The following NAV2 variants were observed in gnomAD, a reference collection of about 807,000 sequenced individuals.
NAV2 encodes the protein helicase, APC down-regulated 1.
Under a neutral mutation model 223.2 loss-of-function variants are expected in NAV2, and 54 were observed. The ratio of observed to expected loss-of-function variants is 0.24; its 90% CI spans 0.19 to 0.30. The LOEUF is 0.30. Ranked by LOEUF, NAV2 falls within the 10% of genes least tolerant of loss-of-function variation. The pLI is 1.00. For missense variants in NAV2, 2,806 were observed against 3,147.5 expected (o/e 0.89, Z 2.60); for synonymous variants, 1,279 against 1,239.3 (o/e 1.03, Z -0.67).
intron 24 of NAV2, among the ~76,000 whole-genome samples, chr11:20,079,185 C>T (rs576271367): frequency 6.6e-6 from 1 of 152,294 alleles, no homozygotes; most frequent in South Asian, 2.1e-4. Flanking sequence ...GGACTACAGG[C>T]GCATGCGAAC....
intron 1 of NAV2, among the ~76,000 whole-genome samples, chr11:19,831,858 ACAGAAT>A (rs1159590914): frequency 6.6e-6 from 1 of 152,202 alleles, no homozygotes. Context: ...GGTTTTGTTC[ACAGAAT>A]CCCAACAGTG....
At chr11:19,439,322 G>A (rs1303696987) in intron 1 of NAV2, among the ~76,000 whole-genome samples, 1 of 152,144 alleles carries the variant, frequency 6.6e-6, no homozygotes, top group Non-Finnish European at 1.5e-5. Flanking sequence ...GGTAGGAGGA[G>A]AGAGAGGATC....
chr11:19,952,053 G>A (rs977147194), intron 10 of NAV2, among the ~76,000 whole-genome samples: 10 of 152,232 alleles, frequency 6.6e-5, no homozygotes, highest in Non-Finnish European at 1.0e-4. Context: ...AAATGCATGT[G>A]AATTTCTGCT....
In NAV2 at chr11:20,036,085, C is replaced by T. The variant is rs1239808354; in HGVS notation, c.2895C>T (p.Asn965=). The part of the protein sequence containing the change: ...YANTPASSRK[N]LDVQTDAEKH... ...ACACACCTGCCTCCTCTCGAAAAAA[C>T]CTGGATGTGCAGGTGAGGAACACAG... The change falls in exon 12 of 38, where the codon AAC becomes AAT. Residue 965 remains asparagine, a synonymous_variant. Coordinates refer to ENST00000349880, the MANE Select transcript of NAV2 (RefSeq NM_145117.5). The T allele has an allele frequency of 1.2e-6, 2 of 1,614,236 alleles. No homozygotes were observed. Among genetic ancestry groups the T allele is most frequent in the East Asian group, 2.2e-5 (1 of 44,882 alleles).
chr11:20,102,783 G>C (rs1159577148), intron 32 of NAV2, among the ~76,000 whole-genome samples: 1 of 152,112 alleles, frequency 6.6e-6, no homozygotes, highest in Admixed American at 6.5e-5. Context: ...CGTTCTCCAA[G>C]GTTAAATACA....
intron 26 of NAV2, among the ~76,000 whole-genome samples, chr11:20,089,824 A>G (rs2060707584): frequency 6.6e-6 from 1 of 152,180 alleles, no homozygotes; most frequent in South Asian, 2.1e-4. Flanking sequence ...GAGCAAACCT[A>G]AGTAACTAAG....
chr11:19,563,246 G>A (rs2045158942), intron 1 of NAV2, among the ~76,000 whole-genome samples: 1 of 152,202 alleles, frequency 6.6e-6, no homozygotes, highest in Non-Finnish European at 1.5e-5. Flanking sequence ...CCAATAGTCA[G>A]GACAACACCT....
intron 37 of NAV2, 78 bp from the exon 38 acceptor site, chr11:20,118,055 T>C (rs2063276715): frequency 6.5e-7 from 1 of 1,547,542 alleles, no homozygotes; most frequent in Admixed American, 1.8e-5. Context: ...CTGGAGGAGG[T>C]GGCATGACCT....
chr11:19,538,174 T>C (rs1452918464), intron 1 of NAV2, among the ~76,000 whole-genome samples: 2 of 152,222 alleles, frequency 1.3e-5, no homozygotes, highest in Admixed American at 6.5e-5. Flanking sequence ...GTCATTGATA[T>C]TGGAAGGATC....
intron 1 of NAV2, among the ~76,000 whole-genome samples, chr11:19,388,718 G>A (rs1849136985): frequency 6.6e-6 from 1 of 152,102 alleles, no homozygotes; most frequent in African/African-American, 2.4e-5. Context: ...GATAATATCT[G>A]TGAAATCTTA....
At chr11:19,379,412 A>G (rs997810629) in intron 1 of NAV2, among the ~76,000 whole-genome samples, 2 of 152,210 alleles carry the variant, frequency 1.3e-5, no homozygotes, top group African/African-American at 4.8e-5. Context: ...TGACAGAAGT[A>G]GGGAAAATTT....
intron 1 of NAV2, among the ~76,000 whole-genome samples, chr11:19,690,099 T>A (rs770298434): frequency 6.6e-5 from 10 of 152,078 alleles, no homozygotes; most frequent in Non-Finnish European, 1.5e-4. Flanking sequence ...GCCTCCTGAG[T>A]AGCTGGGATT....
At chr11:19,721,654 T>C (rs2050758183) in intron 1 of NAV2, among the ~76,000 whole-genome samples, 2 of 152,238 alleles carry the variant, frequency 1.3e-5, no homozygotes, top group African/African-American at 4.8e-5. Context: ...TGAGAGATTC[T>C]TGAGTAGCTC....
intron 1 of NAV2, among the ~76,000 whole-genome samples, chr11:19,705,484 T>C (rs1483961421): frequency 6.6e-6 from 1 of 152,166 alleles, no homozygotes; most frequent in African/African-American, 2.4e-5. Flanking sequence ...GGAAATCCAA[T>C]TCCCTGTCTG....
At chr11:19,872,028 T>C (rs941019740) in intron 4 of NAV2, among the ~76,000 whole-genome samples, 46 of 151,966 alleles carry the variant, frequency 3.0e-4, no homozygotes, top group Admixed American at 2.5e-3. Flanking sequence ...GGTTGGGGAG[T>C]GATGAAGATA....
intron 1 of NAV2, among the ~76,000 whole-genome samples, chr11:19,521,248 A>C (rs1457246323): frequency 1.3e-5 from 2 of 152,126 alleles, no homozygotes; most frequent in Non-Finnish European, 2.9e-5. Flanking sequence ...ACTGCTGGGC[A>C]GACCCTCTGA....
rs528771819 is a variant in NAV2 at position 19,789,459 on chromosome 11, T to C, written c.268-43025T>C. 3.3e-5 allele frequency among the ~76,000 whole-genome samples: 5 copies of C among 152,224 alleles called. No homozygotes were observed. The South Asian group carries it at 1.0e-3, about 32-fold the overall frequency. The stretch of plus-strand genomic sequence containing the variant: ...AGACTGATGCTATTTTCGGCCGTTA[T>C]TGTTATTGTTAGCTTATAGAAGTAA... On this transcript the variant is annotated intron_variant, in intron 1 of 37. Coordinates refer to ENST00000349880, the MANE Select transcript of NAV2 (RefSeq NM_145117.5).
chr11:19,423,588 A>G (rs1320852178), intron 1 of NAV2, among the ~76,000 whole-genome samples: 1 of 152,234 alleles, frequency 6.6e-6, no homozygotes, highest in Non-Finnish European at 1.5e-5. Context: ...TGTACAACAC[A>G]CATGTTATTT....
intron 1 of NAV2, among the ~76,000 whole-genome samples, chr11:19,776,609 G>GTGTGTGTGTGTGTGTGTGTGT (rs1565295714): frequency 2.9e-5 from 2 of 69,638 alleles, no homozygotes; most frequent in African/African-American, 1.3e-4. Flanking sequence ...TGTGTGTGTG[G>GTGTGTGTGTGTGTGTGTGTGT]TTAGAGTTGT....
Sources: gnomAD v4.1 joint callset for allele counts (sites outside exome capture counted in the v4.1 genomes callset) on GRCh38, gnomAD v4.1.1 for gene constraint, MANE v1.5 for transcripts, NCBI Gene and HGNC (gene_info 2026-07-23, HGNC 2026-07-21) for gene names.